TGFA: variants seen among roughly 807,000 people sequenced by gnomAD.
TGFA encodes the protein protransforming growth factor alpha.
Under a neutral mutation model 21.7 loss-of-function variants are expected in TGFA, and 12 were observed. That is an observed-to-expected ratio of 0.55 (90% CI 0.35 to 0.90). The LOEUF is 0.90. Ranked by LOEUF, TGFA falls within the 40% of genes least tolerant of loss-of-function variation. The pLI is 0.01. For synonymous variants in TGFA, 79 were observed against 88.1 expected, an observed-to-expected ratio of 0.90 and a Z score of 0.58; for missense variants, 178 against 210.8, an observed-to-expected ratio of 0.84 and a Z score of 0.96.
chr2:70,461,384 G>T (rs530314627), intron 3 of TGFA, among the ~76,000 whole-genome samples: 2 of 152,214 alleles, frequency 1.3e-5, no homozygotes, highest in South Asian at 4.1e-4. Flanking sequence ...CTCTGGGGAG[G>T]CGCCACCTTG....
chr2:70,450,970 C>T, intron 5 of TGFA, 104 bp from the exon 6 acceptor site: 8 of 1,408,964 alleles, frequency 5.7e-6, no homozygotes, highest in Non-Finnish European at 7.9e-6. Context: ...CCAATGTCAC[C>T]AAGTTCTCTC....
chr2:70,542,567 A>G (rs1180050948), intron 1 of TGFA, among the ~76,000 whole-genome samples: 1 of 152,218 alleles, frequency 6.6e-6, no homozygotes, highest in Non-Finnish European at 1.5e-5. Flanking sequence ...ATTCTCTCAT[A>G]TAAGCATTGG....
chr2:70,452,708 G>A (rs368171565), intron 5 of TGFA, among the ~76,000 whole-genome samples: 3 of 152,146 alleles, frequency 2.0e-5, no homozygotes, highest in Non-Finnish European at 4.4e-5. Context: ...TTGGGAGGCC[G>A]AGGCAGGCAG....
At chr2:70,519,831 C>T (rs1170433530) in intron 1 of TGFA, among the ~76,000 whole-genome samples, 1 of 152,350 alleles carries the variant, frequency 6.6e-6, no homozygotes. Flanking sequence ...GAGAGATGGG[C>T]AGATGGGTGC....
At chr2:70,489,223 C>A (rs551173996) in intron 2 of TGFA, among the ~76,000 whole-genome samples, 1 of 152,318 alleles carries the variant, frequency 6.6e-6, no homozygotes, top group South Asian at 2.1e-4. Flanking sequence ...AGGTGAGCGC[C>A]TTCTCCCACC....
chr2:70,492,119 A>C (rs954216556), intron 2 of TGFA, among the ~76,000 whole-genome samples: 14 of 152,196 alleles, frequency 9.2e-5, no homozygotes, highest in South Asian at 2.1e-4. Context: ...AAAAAGTATC[A>C]AGAAGGGAAG....
chr2:70,454,070 C>T (rs1372388015), intron 4 of TGFA, among the ~76,000 whole-genome samples: 1 of 151,908 alleles, frequency 6.6e-6, no homozygotes, highest in African/African-American at 2.4e-5. Context: ...TCCCCACAGA[C>T]GCTACCAGCC....
intron 4 of TGFA, among the ~76,000 whole-genome samples, chr2:70,454,332 C>T (rs1011873077): frequency 2.6e-5 from 4 of 152,252 alleles, no homozygotes; most frequent in Non-Finnish European, 2.9e-5. Context: ...ACTGGAGCCC[C>T]TGAATCTTTG....
At chr2:70,553,099 C>A in intron 1 of TGFA, 3 of 1,419,020 alleles carry the variant, frequency 2.1e-6, no homozygotes, top group Admixed American at 4.1e-5. Context: ...GGGTTTCGCT[C>A]CTGCCCTCGG....
intron 2 of TGFA, among the ~76,000 whole-genome samples, chr2:70,499,011 G>C (rs868976580): frequency 3.3e-5 from 5 of 152,076 alleles, no homozygotes; most frequent in South Asian, 2.1e-4. Flanking sequence ...CAGGACACTA[G>C]TGTTTTTAAA....
At chr2:70,523,135 A>T (rs1553502545) in intron 1 of TGFA, among the ~76,000 whole-genome samples, 1 of 152,142 alleles carries the variant, frequency 6.6e-6, no homozygotes, top group Non-Finnish European at 1.5e-5. Context: ...TGTCAAGTGG[A>T]TCCTGCATTG....
intron 1 of TGFA, among the ~76,000 whole-genome samples, chr2:70,516,707 C>T (rs1672291468): frequency 6.6e-6 from 1 of 152,198 alleles, no homozygotes; most frequent in African/African-American, 2.4e-5. Context: ...GAAAAGTCAG[C>T]AGTTGCCCCC....
chr2:70,542,535 A>C (rs1346189593), intron 1 of TGFA, among the ~76,000 whole-genome samples: 2 of 152,210 alleles, frequency 1.3e-5, no homozygotes, highest in Admixed American at 1.3e-4. Flanking sequence ...GAAAATAAAC[A>C]AAATCAACCA....
rs1553488901 is a variant in TGFA, at chr2:70,447,614, T to TA, written c.*3244dup. ...GACCATTTTAGTAAATTATTAAGAC[T>TA]AAGAAGAGGAGTTGCTTTTTCAGTA... On this transcript the variant is annotated 3_prime_UTR_variant, in exon 6 of 6. Transcript: ENST00000295400. The TA allele has an allele frequency of 6.6e-6, 1 of 152,612 alleles. No individual in the cohort carries two copies. The highest frequency in any genetic ancestry group is 1.5e-5 in the Non-Finnish European group (1 of 68,046). 9.5% of individuals were successfully genotyped at this position (152,612 alleles called of 1,614,324 possible).
intron 1 of TGFA, among the ~76,000 whole-genome samples, chr2:70,546,208 T>C (rs1237207783): frequency 2.0e-5 from 3 of 152,010 alleles, no homozygotes; most frequent in Non-Finnish European, 4.4e-5. Context: ...ATAGATTTAA[T>C]ATATGCTTCT....
At chr2:70,506,420 C>A (rs572314234) in intron 2 of TGFA, among the ~76,000 whole-genome samples, 1 of 152,192 alleles carries the variant, frequency 6.6e-6, no homozygotes, top group Non-Finnish European at 1.5e-5. Flanking sequence ...ACTAAAAATG[C>A]AGATTTCTGG....
chr2:70,518,592 C>T (rs1397280293), intron 1 of TGFA, among the ~76,000 whole-genome samples: 1 of 152,172 alleles, frequency 6.6e-6, no homozygotes, highest in Non-Finnish European at 1.5e-5. Flanking sequence ...GCTGGACACC[C>T]CTCTCCCCTG....
At chr2:70,476,784 G>T (rs1450024107) in intron 2 of TGFA, among the ~76,000 whole-genome samples, 1 of 152,182 alleles carries the variant, frequency 6.6e-6, no homozygotes, top group Non-Finnish European at 1.5e-5. Flanking sequence ...TAAATTTAAG[G>T]CAAAGCTCAA....
At chr2:70,506,234 G>T (rs1177714597) in intron 2 of TGFA, among the ~76,000 whole-genome samples, 1 of 152,220 alleles carries the variant, frequency 6.6e-6, no homozygotes, top group Admixed American at 6.5e-5. Flanking sequence ...TAGAAAGTCA[G>T]TCCTGGGTCA....
Sources: gnomAD v4.1 joint callset for allele counts (sites outside exome capture counted in the v4.1 genomes callset) on GRCh38, gnomAD v4.1.1 for gene constraint, MANE v1.5 for transcripts, NCBI Gene and HGNC (gene_info 2026-07-23, HGNC 2026-07-21) for gene names.